The following FRMD4B variants were observed in gnomAD, a reference collection of about 807,000 sequenced individuals.
The protein encoded by FRMD4B is FERM domain-containing protein 4B.
FRMD4B carries 74 observed loss-of-function variants against 141.5 expected under a neutral mutation model. The observed-to-expected ratio is 0.52, with a 90% CI of 0.43 to 0.63. The LOEUF (loss-of-function observed/expected upper bound fraction) is 0.63, where lower values mean the gene tolerates loss of function less well. Ranked by LOEUF, FRMD4B falls within the 30% of genes least tolerant of loss-of-function variation. The pLI, the probability that FRMD4B is intolerant of heterozygous loss-of-function variation, is 0.00. For missense variants in FRMD4B, 1,366 were observed against 1,253.4 expected, an observed-to-expected ratio of 1.09 and a Z score of -1.36; for synonymous variants, 506 against 467.9, an observed-to-expected ratio of 1.08 and a Z score of -1.05.
chr3:69,308,954 C>T (rs1165094275), intron 3 of FRMD4B, among the ~76,000 whole-genome samples: 1 of 152,026 alleles, frequency 6.6e-6, no homozygotes, highest in East Asian at 1.9e-4. Context: ...TTCTTCAATG[C>T]ACTTATAATT....
intron 1 of FRMD4B, among the ~76,000 whole-genome samples, chr3:69,473,790 C>T (rs181953250): frequency 6.6e-6 from 1 of 152,196 alleles, no homozygotes; most frequent in African/African-American, 2.4e-5. Flanking sequence ...TAGCTTTGGG[C>T]AAGGGGTTGA....
Position 69,181,566 on chromosome 3 carries a change from G to A in FRMD4B, c.2184C>T (p.Asp728=), listed in dbSNP as rs531506830. 6.4e-5 allele frequency: 104 copies of A among 1,613,844 alleles called. No homozygotes were observed. Among genetic ancestry groups the A allele is most frequent in the Non-Finnish European group, 8.0e-5 (94 of 1,179,808 alleles). The change falls in exon 21 of 23, where the codon GAC becomes GAT. Residue 728 remains aspartate, a synonymous_variant. Coordinates refer to ENST00000398540, the MANE Select transcript of FRMD4B (RefSeq NM_015123.3). ...QRSSSTEILD[D]GSSYTSQSST... The stretch of plus-strand genomic sequence containing the variant: ...TTGATTGGCTTGTATAAGAAGACCC[G>A]TCATCGAGGATTTCTGTGCTGCTGC...
intron 1 of FRMD4B, among the ~76,000 whole-genome samples, chr3:69,490,169 T>G (rs1706279609): frequency 6.6e-6 from 1 of 152,148 alleles, no homozygotes; most frequent in Non-Finnish European, 1.5e-5. Flanking sequence ...CCTAATATGA[T>G]TACACTAAAA....
chr3:69,398,690 T>C (rs1349709967), intron 2 of FRMD4B, among the ~76,000 whole-genome samples: 1 of 152,170 alleles, frequency 6.6e-6, no homozygotes, highest in African/African-American at 2.4e-5. Context: ...GCTAAGGCAG[T>C]GAGTGGGGGC....
chr3:69,180,828 G>A, intron 21 of FRMD4B, 71 bp downstream of exon 21: 3 of 1,071,180 alleles, frequency 2.8e-6, no homozygotes, highest in Non-Finnish European at 4.2e-6. Context: ...GATCCGTGAG[G>A]CGGTTTTAGG....
At chr3:69,455,303 G>A (rs1331889632) in intron 1 of FRMD4B, among the ~76,000 whole-genome samples, 2 of 152,176 alleles carry the variant, frequency 1.3e-5, no homozygotes, top group Admixed American at 1.3e-4. Context: ...TAATGTGGGA[G>A]GTTTGTTCTT....
chr3:69,512,270 T>A (rs1281970323), intron 1 of FRMD4B, among the ~76,000 whole-genome samples: 1 of 152,178 alleles, frequency 6.6e-6, no homozygotes, highest in East Asian at 1.9e-4. Flanking sequence ...GCTTTCATAA[T>A]AATTTATTTA....
intron 4 of FRMD4B, among the ~76,000 whole-genome samples, chr3:69,294,456 A>G (rs937498724): frequency 6.6e-6 from 1 of 152,194 alleles, no homozygotes; most frequent in Non-Finnish European, 1.5e-5. Flanking sequence ...GTTCCCTTTC[A>G]TCTGTGGGAG....
At chr3:69,355,921 A>G (rs2107450803) in intron 1 of FRMD4B, among the ~76,000 whole-genome samples, 1 of 152,260 alleles carries the variant, frequency 6.6e-6, no homozygotes, top group East Asian at 1.9e-4. Context: ...GCTACTCGGG[A>G]GGCTGAAGCA....
chr3:69,253,646 C>G (rs770022484), intron 5 of FRMD4B, among the ~76,000 whole-genome samples: 3 of 152,100 alleles, frequency 2.0e-5, no homozygotes, highest in African/African-American at 7.3e-5. Context: ...TCCAAGCCTA[C>G]TGCTAATTAT....
chr3:69,540,424 C>T (rs1199523427), intron 1 of FRMD4B, among the ~76,000 whole-genome samples: 3 of 151,002 alleles, frequency 2.0e-5, no homozygotes, highest in Non-Finnish European at 4.4e-5. Flanking sequence ...ACCAGCCTGG[C>T]TAACGCTGTG....
chr3:69,354,958 G>C (rs1373432460), intron 1 of FRMD4B, among the ~76,000 whole-genome samples: 1 of 151,928 alleles, frequency 6.6e-6, no homozygotes, highest in African/African-American at 2.4e-5. Context: ...GGACGGGTTG[G>C]ATGTTAGAAG....
At chr3:69,441,805 C>T (rs1000269215) in intron 1 of FRMD4B, among the ~76,000 whole-genome samples, 3 of 152,140 alleles carry the variant, frequency 2.0e-5, no homozygotes, top group Admixed American at 2.0e-4. Flanking sequence ...TCCTTTCTCC[C>T]ATATATTAGC....
chr3:69,365,261 T>C lies in FRMD4B; in HGVS notation c.162+20567A>G, dbSNP rs369263302. On this transcript the variant is annotated intron_variant, in intron 1 of 22. Coordinates refer to ENST00000398540, the MANE Select transcript of FRMD4B (RefSeq NM_015123.3). The stretch of plus-strand genomic sequence containing the variant: ...ATTGTTCTCAAACCAATTTATACTG[T>C]GACAAAACACAGTATGTGTTTCCCC... Among the ~76,000 whole-genome samples the C allele has an allele frequency of 7.2e-5, 11 of 152,348 alleles. No homozygotes were observed. The South Asian group carries it at 1.9e-3, about 26-fold the overall frequency.
intron 1 of FRMD4B, among the ~76,000 whole-genome samples, chr3:69,352,585 A>G (rs977210619): frequency 6.6e-6 from 1 of 152,110 alleles, no homozygotes; most frequent in African/African-American, 2.4e-5. Flanking sequence ...ACATCTACCC[A>G]TCAAGGAAGA....
chr3:69,458,234 A>G (rs1289360321), intron 1 of FRMD4B, among the ~76,000 whole-genome samples: 1 of 152,206 alleles, frequency 6.6e-6, no homozygotes, highest in African/African-American at 2.4e-5. Context: ...TCTAGGATAC[A>G]TGTGCTCATT....
At position 69,237,492 on chromosome 3, in the gene FRMD4B, T is replaced by C. The variant is rs187229926; in HGVS notation, c.581+11734A>G. On this transcript the variant is annotated intron_variant, in intron 7 of 22. Coordinates refer to ENST00000398540, the MANE Select transcript of FRMD4B (RefSeq NM_015123.3). The stretch of plus-strand genomic sequence containing the variant: ...CACTGTTTCTGTGAGAGGTGGGAAG[T>C]TGTTGGCCCATCCTTCATCCTAAGA... Among the ~76,000 whole-genome samples the C allele has an allele frequency of 7.0e-4, 106 of 152,310 alleles. 1 individual carries two copies. Among genetic ancestry groups the C allele is most frequent in the African/African-American group, 2.4e-3 (99 of 41,574 alleles).
At chr3:69,259,349 C>T (rs371584220) in intron 5 of FRMD4B, among the ~76,000 whole-genome samples, 46 of 152,334 alleles carry the variant, frequency 3.0e-4, no homozygotes, top group African/African-American at 1.1e-3. Context: ...CGTTCACCCA[C>T]CCGCTGCTCA....
chr3:69,193,857 T>C lies in FRMD4B; in HGVS notation c.1505A>G (p.Glu502Gly). Residue 502 changes from glutamate to glycine, a missense_variant, in exon 17 of 23, where the codon GAA becomes GGA. Coordinates refer to ENST00000398540, the MANE Select transcript of FRMD4B (RefSeq NM_015123.3). ...LPSEEDPALQELESNFLIQQK... is the reference protein window; with the variant it reads ...LPSEEDPALQGLESNFLIQQK... ...TTGTATTAGAAAATTACTCTCCAGT[T>C]CTTGCAAAGCAGGATCCTGCATTTA... 6.2e-7 allele frequency: 1 copy of C among 1,609,312 alleles called. No homozygotes were observed. Among genetic ancestry groups the C allele is most frequent in the Non-Finnish European group, 8.5e-7 (1 of 1,176,474 alleles).
Sources: allele counts gnomAD v4.1 joint callset (sites outside exome capture counted in the v4.1 genomes callset), GRCh38; gene constraint gnomAD v4.1.1; transcripts MANE v1.5; gene names NCBI Gene and HGNC (gene_info 2026-07-23, HGNC 2026-07-21).